MTR: variants seen among roughly 807,000 people sequenced by gnomAD.
MTR encodes the protein methionine synthase.
Under a neutral mutation model 154.8 loss-of-function variants are expected in MTR, and 84 were observed. That is an observed-to-expected ratio of 0.54 (90% confidence interval 0.45 to 0.65). MTR has a LOEUF of 0.65. Ranked by LOEUF, MTR falls within the 30% of genes least tolerant of loss-of-function variation. The pLI, the probability that MTR is intolerant of heterozygous loss-of-function variation, is 0.00. For synonymous variants in MTR, 554 were observed against 553.9 expected (o/e 1.00, Z 0.00); for missense variants, 1,275 against 1,570.2 (o/e 0.81, Z 3.18).
chr1:236,868,223 C>T (rs1248228225), intron 22 of MTR, among the ~76,000 whole-genome samples: 10 of 152,158 alleles, frequency 6.6e-5, no homozygotes, highest in Non-Finnish European at 1.5e-4. Flanking sequence ...AAGTCAAGAC[C>T]CTCTACCAGC....
At chr1:236,879,251 G>T (rs1163588474) in intron 24 of MTR, among the ~76,000 whole-genome samples, 2 of 152,192 alleles carry the variant, frequency 1.3e-5, no homozygotes, top group African/African-American at 4.8e-5. Context: ...AACCAGTGTG[G>T]ACACTTCGAT....
At chr1:236,812,613 T>C (rs776439253) in intron 5 of MTR, 125 bp from the exon 6 acceptor site, 6 of 790,444 alleles carry the variant, frequency 7.6e-6, no homozygotes, top group South Asian at 5.6e-5. Context: ...CAAAAGATCA[T>C]GTTCTTAAAC....
chr1:236,848,229 T>C lies in MTR; in HGVS notation c.1516-2115T>C, dbSNP rs138693640. Among the ~76,000 whole-genome samples the C allele has an allele frequency of 2.5e-3, 381 of 152,258 alleles. 2 individuals carry two copies. Among genetic ancestry groups the C allele is most frequent in the African/African-American group, 8.1e-3 (338 of 41,574 alleles). On this transcript the variant is annotated intron_variant, in intron 15 of 32. Coordinates refer to ENST00000366577, the MANE Select transcript of MTR (RefSeq NM_000254.3). ...CCCACAAGCAGGGCTGTCTTTGGTA[T>C]ACAGCTGGGCCCTACACCCTACTCT...
At chr1:236,879,382 G>C (rs947859292) in intron 24 of MTR, among the ~76,000 whole-genome samples, 2 of 152,192 alleles carry the variant, frequency 1.3e-5, no homozygotes, top group African/African-American at 4.8e-5. Flanking sequence ...ATAGTGTTCT[G>C]CTACTTTGTT....
chr1:236,871,044 C>G (rs1232542489), intron 22 of MTR, among the ~76,000 whole-genome samples: 2 of 152,188 alleles, frequency 1.3e-5, no homozygotes, highest in African/African-American at 2.4e-5. Context: ...CCAAGTAAAT[C>G]TGTTAAATCT....
intron 27 of MTR, among the ~76,000 whole-genome samples, chr1:236,888,548 A>G (rs546520893): frequency 1.3e-5 from 2 of 152,382 alleles, no homozygotes; most frequent in South Asian, 4.1e-4. Context: ...CAGAGGTTAT[A>G]TTAATTGAAT....
At chr1:236,846,926 G>A (rs925884973) in intron 15 of MTR, among the ~76,000 whole-genome samples, 4 of 151,856 alleles carry the variant, frequency 2.6e-5, no homozygotes, top group East Asian at 1.9e-4. Context: ...TCACTCTGTC[G>A]TGCAGGCTGA....
At chr1:236,814,624 C>T (rs1157542879) in intron 6 of MTR, among the ~76,000 whole-genome samples, 1 of 152,146 alleles carries the variant, frequency 6.6e-6, no homozygotes, top group Non-Finnish European at 1.5e-5. Context: ...TTATCCTTAT[C>T]ATCCAAAATT....
Position 236,806,147 on chromosome 1 carries a change from T to A in MTR, c.253T>A (p.Tyr85Asn), listed in dbSNP as rs763321071. ...ACATTATAATCTCTTGTTGCAGGAATACTTGCTGGCTGGGGCAGATATCAT... is the reference window on the plus strand; with the variant it reads ...ACATTATAATCTCTTGTTGCAGGAAAACTTGCTGGCTGGGGCAGATATCAT... Reference protein sequence around the residue: ...PDVIYQIHKEYLLAGADIIET... With the variant: ...PDVIYQIHKENLLAGADIIET... The change falls in exon 3 of 33, where the codon TAC becomes AAC. Residue 85 changes from tyrosine (Y) to asparagine (N), a missense_variant. Coordinates refer to ENST00000366577, the MANE Select transcript of MTR (RefSeq NM_000254.3). The A allele has an allele frequency of 2.5e-6, 4 of 1,613,806 alleles. No individual in the cohort carries two copies. Among genetic ancestry groups the A allele is most frequent in the Non-Finnish European group, 1.7e-6 (2 of 1,179,668 alleles).
rs1276405010 is a variant in MTR, at chr1:236,902,519, T to C, written c.*4875T>C. The stretch of plus-strand genomic sequence containing the variant: ...GGTGCTCAGTAAAGGTTGTCTTGAA[T>C]TGAGCAGATCCTCTAGGGACAGGAG... On this transcript the variant is annotated 3_prime_UTR_variant, in exon 33 of 33. Coordinates refer to ENST00000366577, the MANE Select transcript of MTR (RefSeq NM_000254.3). 1.3e-5 allele frequency: 2 copies of C among 152,256 alleles called. No homozygotes were observed. The highest frequency in any genetic ancestry group is 2.9e-5 in the Non-Finnish European group (2 of 68,086). 9.4% of individuals were successfully genotyped at this position (152,256 alleles called of 1,614,324 possible).
chr1:236,890,929 G>A (rs1336548244), intron 28 of MTR, among the ~76,000 whole-genome samples: 1 of 152,134 alleles, frequency 6.6e-6, no homozygotes, highest in Non-Finnish European at 1.5e-5. Flanking sequence ...GCAGACTGTG[G>A]GAGCTGCACT....
At position 236,861,179 on chromosome 1, in the gene MTR, A is replaced by G. The variant is rs1306843324; in HGVS notation, c.2098A>G (p.Lys700Glu). The G allele has an allele frequency of 1.9e-6, 3 of 1,613,338 alleles. No individual in the cohort carries two copies. Among genetic ancestry groups the G allele is most frequent in the Non-Finnish European group, 2.5e-6 (3 of 1,179,860 alleles). ...TGAGGAAGCCAGGTTAAACCAAAAA[A>G]AATATCCCCGACCTCTCAATATAAT... ...DTEEARLNQK[K>E]YPRPLNIIEG... The change falls in exon 20 of 33, where the codon AAA becomes GAA. Residue 700 changes from lysine to glutamate, a missense_variant. Coordinates refer to ENST00000366577, the MANE Select transcript of MTR (RefSeq NM_000254.3).
intron 27 of MTR, among the ~76,000 whole-genome samples, chr1:236,888,330 G>A (rs2147929633): frequency 6.6e-6 from 1 of 152,270 alleles, no homozygotes; most frequent in Non-Finnish European, 1.5e-5. Flanking sequence ...CAGTCTGGAG[G>A]GCAGATGGCA....
In MTR at chr1:236,853,055, T is replaced by C. The variant is rs1664009121; in HGVS notation, c.1920T>C (p.Pro640=). Residue 640 remains proline (P), a synonymous_variant, in exon 18 of 33, where the codon CCT becomes CCC. Coordinates refer to ENST00000366577, the MANE Select transcript of MTR (RefSeq NM_000254.3). ...LCEDLIWNKD[P]EATEKLLRYA... is the part of the protein sequence containing the mutation. ...AAGATCTCATCTGGAATAAAGACCC[T>C]GAGGCCACTGAGAAGCTCTTACGTT... 1 of 1,614,080 alleles carries C rather than the reference T, an allele frequency of 6.2e-7. No individual in the cohort carries two copies. Among genetic ancestry groups the C allele is most frequent in the Non-Finnish European group, 8.5e-7 (1 of 1,179,968 alleles).
intron 8 of MTR, chr1:236,819,831 G>T (rs1168216356): frequency 1.5e-4 from 113 of 764,516 alleles, no homozygotes; most frequent in Non-Finnish European, 1.4e-5. Flanking sequence ...TTGTGCCATT[G>T]TTGCCATTAA....
intron 27 of MTR, among the ~76,000 whole-genome samples, chr1:236,886,691 A>G (rs1666027538): frequency 6.6e-6 from 1 of 152,098 alleles, no homozygotes; most frequent in African/African-American, 2.4e-5. Flanking sequence ...GTTACTAGGA[A>G]TCTCTCTCTG....
chr1:236,820,405 C>T, intron 8 of MTR: 1 of 939,744 alleles, frequency 1.1e-6, no homozygotes, highest in Non-Finnish European at 1.7e-6. Flanking sequence ...CCCTCTGTGC[C>T]TATTCAGCAG....
chr1:236,836,412 T>C (rs1291256405), intron 14 of MTR, among the ~76,000 whole-genome samples: 1 of 152,092 alleles, frequency 6.6e-6, no homozygotes, highest in Non-Finnish European at 1.5e-5. Context: ...AAAAAAAATT[T>C]TTAGTAGAGA....
intron 1 of MTR, 31 bp from the exon 2 acceptor site, chr1:236,803,397 C>T (rs1460406186): frequency 6.2e-7 from 1 of 1,602,478 alleles, no homozygotes; most frequent in Non-Finnish European, 8.5e-7. Context: ...ACCTTTCATT[C>T]TTTGAAGTCA....
Sources: gnomAD v4.1 joint callset for allele counts (sites outside exome capture counted in the v4.1 genomes callset) on GRCh38, gnomAD v4.1.1 for gene constraint, MANE v1.5 for transcripts, NCBI Gene and HGNC (gene_info 2026-07-23, HGNC 2026-07-21) for gene names.